ZC3H12B: variants seen among roughly 807,000 people sequenced by gnomAD.
ZC3H12B encodes the protein zinc finger CCCH-type containing 12B.
A neutral mutation model predicts 43.9 loss-of-function variants in ZC3H12B; 7 were observed. The ratio of observed to expected loss-of-function variants is 0.16; its 90% confidence interval spans 0.09 to 0.30. ZC3H12B has a LOEUF of 0.30. ZC3H12B is among the 10% of genes least tolerant of loss of function. The pLI is 1.00. For missense variants in ZC3H12B, 475 were observed against 670.2 expected (o/e 0.71, Z 3.22); for synonymous variants, 222 against 241.7 (o/e 0.92, Z 0.76).
chrX:65,235,763 T>A, the ZC3H12B span, among the ~76,000 whole-genome samples: 1 of 112,068 alleles, frequency 8.9e-6, no homozygotes, highest in Non-Finnish European at 1.9e-5. Context: ...GATCAGGGAA[T>A]CCTGAGGTCT....
chrX:65,429,444 G>T (rs935007647), intron 3 of ZC3H12B, among the ~76,000 whole-genome samples: 3 of 112,744 alleles, frequency 2.7e-5, no homozygotes, highest in Admixed American at 1.9e-4. Flanking sequence ...GTAGAAAACT[G>T]GCTGTGATGG....
chrX:65,450,243 G>T (rs2067454396), intron 3 of ZC3H12B, among the ~76,000 whole-genome samples: 1 of 99,908 alleles, frequency 1.0e-5, no homozygotes, highest in African/African-American at 3.7e-5. Context: ...GTTGGAGGTT[G>T]CAGTGAGCTG....
chrX:65,167,022 G>C, the ZC3H12B span, among the ~76,000 whole-genome samples: 2 of 111,842 alleles, frequency 1.8e-5, no homozygotes, highest in Admixed American at 9.5e-5. Flanking sequence ...AGTTTATTTT[G>C]CTGTACAGAA....
At chrX:65,181,666 G>C in the ZC3H12B span, among the ~76,000 whole-genome samples, 1 of 112,136 alleles carries the variant, frequency 8.9e-6, no homozygotes, top group Non-Finnish European at 1.9e-5. Context: ...CACCATCACT[G>C]GTCATTAGAG....
At chrX:65,395,016 A>G (rs183691686) in intron 2 of ZC3H12B, among the ~76,000 whole-genome samples, 14 of 111,266 alleles carry the variant, frequency 1.3e-4, no homozygotes, top group African/African-American at 2.6e-4. Flanking sequence ...TCTGTCTATT[A>G]TTGGTGTATA....
the ZC3H12B span, among the ~76,000 whole-genome samples, chrX:65,320,558 T>G: frequency 1.1e-4 from 12 of 112,098 alleles, no homozygotes; most frequent in African/African-American, 3.9e-4. Flanking sequence ...ATTTCAAAAT[T>G]TGTGTGGAAC....
the ZC3H12B span, among the ~76,000 whole-genome samples, chrX:65,142,106 G>A: frequency 8.9e-6 from 1 of 112,009 alleles, no homozygotes. Flanking sequence ...CATAGTGGTT[G>A]TACTAGTTTA....
At position 65,442,966 on chromosome X, in the gene ZC3H12B, A is replaced by T. The variant is rs1569410239; in HGVS notation, n.407+44262A>T. Among the ~76,000 whole-genome samples, 2 of 110,887 alleles carry T rather than the reference A, an allele frequency of 1.8e-5. 1 individual carries two copies. Among genetic ancestry groups the T allele is most frequent in the Admixed American group, 1.9e-4 (2 of 10,413 alleles). On this transcript the variant is annotated intron_variant and non_coding_transcript_variant, in intron 3 of 5. Coordinates refer to the ZC3H12B transcript ENST00000617377. ...TCACTGGGGCAACTAGTTTTCACCC[A>T]GTGTCCTCTGGAAAAGAAAGATTTG...
chrX:65,392,614 C>A (rs183885612), intron 2 of ZC3H12B, among the ~76,000 whole-genome samples: 1 of 110,790 alleles, frequency 9.0e-6, no homozygotes, highest in Non-Finnish European at 1.9e-5. Flanking sequence ...GCCCAGCAGC[C>A]GCCCCGTCTG....
the ZC3H12B span, among the ~76,000 whole-genome samples, chrX:65,165,530 C>T: frequency 1.8e-5 from 2 of 111,964 alleles, no homozygotes; most frequent in African/African-American, 6.5e-5. Flanking sequence ...ATATGCAGTG[C>T]TTGGTTTTCT....
At chrX:65,409,044 A>T (rs758633240) in intron 3 of ZC3H12B, among the ~76,000 whole-genome samples, 15 of 112,076 alleles carry the variant, frequency 1.3e-4, no homozygotes, top group African/African-American at 4.9e-4. Flanking sequence ...GAAAGGTTTG[A>T]TAATTGCATC....
chrX:65,284,405 G>C, the ZC3H12B span, among the ~76,000 whole-genome samples: 1 of 111,537 alleles, frequency 9.0e-6, no homozygotes, highest in East Asian at 2.8e-4. Context: ...GTGAGATAGA[G>C]GGAATTTTGA....
chrX:65,063,791 C>CT, the ZC3H12B span, among the ~76,000 whole-genome samples: 1 of 111,459 alleles, frequency 9.0e-6, no homozygotes, highest in Non-Finnish European at 1.9e-5. Context: ...TGGAGCTTGG[C>CT]TTTTTTTGGT....
chrX:65,139,748 C>T, the ZC3H12B span, among the ~76,000 whole-genome samples: 1 of 111,454 alleles, frequency 9.0e-6, no homozygotes, highest in Admixed American at 9.5e-5. Flanking sequence ...TCATTTGTAT[C>T]ATTCTCAGTT....
the ZC3H12B span, among the ~76,000 whole-genome samples, chrX:65,286,365 G>A: frequency 9.0e-6 from 1 of 111,329 alleles, no homozygotes; most frequent in African/African-American, 3.3e-5. Flanking sequence ...CTAAACATTG[G>A]GTACACATAA....
chrX:65,354,119 A>G, the ZC3H12B span, among the ~76,000 whole-genome samples: 4 of 112,287 alleles, frequency 3.6e-5, no homozygotes, highest in Non-Finnish European at 1.9e-5. Flanking sequence ...AGCTCTGCTA[A>G]GGGACAGGCT....
chrX:65,276,462 A>T, the ZC3H12B span, among the ~76,000 whole-genome samples: 1 of 111,536 alleles, frequency 9.0e-6, no homozygotes, highest in African/African-American at 3.3e-5. Flanking sequence ...GCATCAAGTC[A>T]CATATAAGGG....
intron 3 of ZC3H12B, among the ~76,000 whole-genome samples, chrX:65,439,922 G>T (rs1000992757): frequency 9.1e-6 from 1 of 110,298 alleles, no homozygotes; most frequent in African/African-American, 3.3e-5. Context: ...TCATGATAAG[G>T]TTTCAGGTGT....
chrX:65,243,612 C>T, the ZC3H12B span, among the ~76,000 whole-genome samples: 1 of 111,550 alleles, frequency 9.0e-6, no homozygotes, highest in Non-Finnish European at 1.9e-5. Context: ...AGCAATCCTA[C>T]AATTGGGAAT....
Sources: gnomAD v4.1 joint callset for allele counts (sites outside exome capture counted in the v4.1 genomes callset) on GRCh38, gnomAD v4.1.1 for gene constraint, MANE v1.5 for transcripts, NCBI Gene and HGNC (gene_info 2026-07-23, HGNC 2026-07-21) for gene names.